The following TNR variants were observed in gnomAD, a reference collection of about 807,000 sequenced individuals.
TNR encodes the protein tenascin-R.
A neutral mutation model predicts 150.4 loss-of-function variants in TNR; 45 were observed. The ratio of observed to expected loss-of-function variants is 0.30; its 90% confidence interval spans 0.24 to 0.38. The LOEUF (loss-of-function observed/expected upper bound fraction) is 0.38, where lower values mean the gene tolerates loss of function less well. TNR is among the 10% of genes least tolerant of loss of function. The pLI is 1.00. For missense variants in TNR, 1,544 were observed against 1,759.1 expected, an observed-to-expected ratio of 0.88 and a Z score of 2.19; for synonymous variants, 687 against 678.4, an observed-to-expected ratio of 1.01 and a Z score of -0.20.
In TNR at chr1:175,627,338, T is replaced by C. The variant is rs1320775693; in HGVS notation, c.-164-98969A>G. Among the ~76,000 whole-genome samples the C allele has an allele frequency of 2.0e-5, 3 of 152,188 alleles. No homozygotes were observed. The East Asian group carries it at 5.8e-4, about 29-fold the overall frequency. On this transcript the variant is annotated intron_variant, in intron 1 of 22. Transcript: ENST00000367674. Reference sequence around the variant, plus strand: ...ACTCTGATCCTTAGATCAGAGTTTATAAAACTTGTTCTCATTTATAAAACT... The same window carrying C: ...ACTCTGATCCTTAGATCAGAGTTTACAAAACTTGTTCTCATTTATAAAACT...
At chr1:175,453,391 G>T (rs894152216) in intron 2 of TNR, among the ~76,000 whole-genome samples, 3 of 151,918 alleles carry the variant, frequency 2.0e-5, no homozygotes, top group African/African-American at 7.3e-5. Context: ...GATGTGGAAG[G>T]GAAGCAACTG....
At position 175,403,295 on chromosome 1, in the gene TNR, C is replaced by T. The variant is rs774781000; in HGVS notation, c.821G>A (p.Gly274Glu). ...TAAACAGGTACCGTTGGCACATCTC[C>T]CCTTCCCCGAACAGTCCCCAGGGCA... ...LRCPGDCSGK[G>E]RCANGTCLCE... Residue 274 changes from glycine to glutamate, a missense_variant, in exon 4 of 23, where the codon GGG becomes GAG. Gly to Glu is a moderately conservative substitution (Grantham distance 98). Around this residue, in one of 2 missense-constraint regions of TNR, gnomAD observed 1,254 missense variants for 1,329.4 expected, o/e 0.94. Transcript: ENST00000367674. The T allele has an allele frequency of 2.4e-5, 38 of 1,614,062 alleles. No individual in the cohort carries two copies. Among genetic ancestry groups the T allele is most frequent in the Non-Finnish European group, 3.1e-5 (36 of 1,180,042 alleles).
At chr1:175,634,876 AAAAC>A (rs1664447917) in intron 1 of TNR, among the ~76,000 whole-genome samples, 1 of 152,196 alleles carries the variant, frequency 6.6e-6, no homozygotes, top group South Asian at 2.1e-4. Context: ...CCGCCCCCTC[AAAAC>A]AAACAAAAAA....
At chr1:175,621,888 C>A (rs541486634) in intron 1 of TNR, among the ~76,000 whole-genome samples, 1 of 152,310 alleles carries the variant, frequency 6.6e-6, no homozygotes, top group South Asian at 2.1e-4. Context: ...AGGGTATGGC[C>A]CTAGATTGAG....
chr1:175,653,202 A>G (rs768246641), intron 1 of TNR, among the ~76,000 whole-genome samples: 1 of 152,198 alleles, frequency 6.6e-6, no homozygotes, highest in Non-Finnish European at 1.5e-5. Flanking sequence ...CTATGAGGGC[A>G]TTTGCCATAG....
intron 9 of TNR, among the ~76,000 whole-genome samples, chr1:175,372,087 G>A: frequency 6.6e-6 from 1 of 152,080 alleles, no homozygotes; most frequent in South Asian, 2.1e-4. Flanking sequence ...AAAGTGTGTG[G>A]CACCTCCCCC....
chr1:175,323,499 T>C (rs1005899016), intron 22 of TNR, 23 bp from the exon 23 acceptor site: 4 of 1,611,794 alleles, frequency 2.5e-6, no homozygotes, highest in Non-Finnish European at 3.4e-6. Context: ...AAGATAAGCA[T>C]GTCAGGTCAT....
At chr1:175,593,952 A>G (rs1185525852) in intron 1 of TNR, among the ~76,000 whole-genome samples, 1 of 152,190 alleles carries the variant, frequency 6.6e-6, no homozygotes, top group African/African-American at 2.4e-5. Context: ...TTCTGTGGTC[A>G]TTATTCACCC....
Position 175,376,144 on chromosome 1 carries a change from G to A in TNR, c.1963+3408C>T, listed in dbSNP as rs117958671. ...GAAGAGGCCTCCAACATCTCTGGGC[G>A]TAATGCCCAGGCTGCTGGTGGCTGC... On this transcript the variant is annotated intron_variant, in intron 9 of 22. Coordinates refer to ENST00000367674, the MANE Select transcript of TNR (RefSeq NM_003285.3). Among the ~76,000 whole-genome samples the A allele has an allele frequency of 3.3e-3, 509 of 152,168 alleles. 19 individuals carry two copies. In the East Asian group the frequency reaches 0.088, roughly 26 times the overall value.
intron 18 of TNR, among the ~76,000 whole-genome samples, chr1:175,349,208 C>G (rs1371711991): frequency 6.6e-6 from 1 of 152,164 alleles, no homozygotes; most frequent in African/African-American, 2.4e-5. Flanking sequence ...GTAAACACAT[C>G]CCCTATGACC....
intron 2 of TNR, among the ~76,000 whole-genome samples, chr1:175,450,695 G>C (rs1036292274): frequency 6.6e-6 from 1 of 152,256 alleles, no homozygotes; most frequent in Non-Finnish European, 1.5e-5. Flanking sequence ...ATGAATGAAT[G>C]AATGAAAGCT....
At chr1:175,360,320 T>A (rs1418797720) in intron 14 of TNR, among the ~76,000 whole-genome samples, 1 of 152,186 alleles carries the variant, frequency 6.6e-6, no homozygotes, top group Non-Finnish European at 1.5e-5. Flanking sequence ...ATCTGATTAT[T>A]GGATGATTGC....
intron 1 of TNR, among the ~76,000 whole-genome samples, chr1:175,578,807 T>C (rs1440808599): frequency 1.3e-5 from 2 of 152,240 alleles, no homozygotes; most frequent in East Asian, 1.9e-4. Flanking sequence ...TGTGTCATCC[T>C]GTAGCTGTGA....
intron 1 of TNR, among the ~76,000 whole-genome samples, chr1:175,654,123 T>A (rs1350365578): frequency 6.6e-6 from 1 of 152,224 alleles, no homozygotes; most frequent in African/African-American, 2.4e-5. Flanking sequence ...TATCCTTTTG[T>A]GCCTTCCTCA....
At chr1:175,372,247 C>G (rs1046704695) in intron 9 of TNR, among the ~76,000 whole-genome samples, 3 of 152,246 alleles carry the variant, frequency 2.0e-5, no homozygotes, top group Non-Finnish European at 4.4e-5. Context: ...GTCAAACCTC[C>G]TTTCTTTATA....
Position 175,563,662 on chromosome 1 carries a change from A to T in TNR, c.-164-35293T>A, listed in dbSNP as rs145526696. On this transcript the variant is annotated intron_variant, in intron 1 of 22. Transcript: ENST00000367674. ...ATATATACTAAGCTCTTTTGGCCCAAGTTCCAAATTCATTCCTCGCTTTTG... is the reference window on the plus strand; with the variant it reads ...ATATATACTAAGCTCTTTTGGCCCATGTTCCAAATTCATTCCTCGCTTTTG... 1.7e-3 allele frequency among the ~76,000 whole-genome samples: 262 copies of T among 152,320 alleles called. 4 individuals are homozygous for T. The East Asian group carries it at 0.042, about 24-fold the overall frequency.
At chr1:175,722,941 A>G (rs1667357569) in intron 1 of TNR, among the ~76,000 whole-genome samples, 1 of 151,886 alleles carries the variant, frequency 6.6e-6, no homozygotes, top group Non-Finnish European at 1.5e-5. Flanking sequence ...ACAGGCACAT[A>G]CCACCATGAT....
intron 1 of TNR, among the ~76,000 whole-genome samples, chr1:175,556,195 G>A (rs1661153348): frequency 6.6e-6 from 1 of 152,182 alleles, no homozygotes; most frequent in African/African-American, 2.4e-5. Flanking sequence ...TTTGGTTTTG[G>A]CCTCAGCTCC....
intron 21 of TNR, among the ~76,000 whole-genome samples, chr1:175,326,206 G>C (rs1022570398): frequency 1.3e-5 from 2 of 152,092 alleles, no homozygotes; most frequent in Non-Finnish European, 2.9e-5. Flanking sequence ...TAAGGTGAGG[G>C]ATCAGACTGT....
Sources: allele counts gnomAD v4.1 joint callset (sites outside exome capture counted in the v4.1 genomes callset), GRCh38; gene constraint gnomAD v4.1.1; regional missense constraint gnomAD v4.1.1; transcripts MANE v1.5; gene names NCBI Gene and HGNC (gene_info 2026-07-23, HGNC 2026-07-21).